Variants in RASSF3 observed in about 807,000 individuals in gnomAD.
The protein encoded by RASSF3 is ras association domain-containing protein 3.
In RASSF3, 19 loss-of-function variants were observed where a neutral mutation model predicts 19.9. That is an observed-to-expected ratio of 0.96 (90% CI 0.67 to 1.40). The LOEUF is 1.40. Ranked by LOEUF, RASSF3 falls within the 40% of genes most tolerant of loss-of-function variation. The pLI, the probability that RASSF3 is intolerant of heterozygous loss-of-function variation, is 0.00. For missense variants in RASSF3, 306 were observed against 289.8 expected (o/e 1.06, Z -0.41); for synonymous variants, 110 against 104.2 (o/e 1.06, Z -0.34).
intron 1 of RASSF3, among the ~76,000 whole-genome samples, chr12:64,681,172 A>C (rs1289907643): frequency 1.3e-5 from 2 of 152,204 alleles, no homozygotes; most frequent in Non-Finnish European, 2.9e-5. Flanking sequence ...CCTCATTCTT[A>C]GAATTCTCAC....
intron 1 of RASSF3, among the ~76,000 whole-genome samples, chr12:64,512,501 A>C (rs1471621728): frequency 6.6e-6 from 1 of 152,182 alleles, no homozygotes; most frequent in African/African-American, 2.4e-5. Context: ...CTTGAAACAA[A>C]TAAGAAACTA....
chr12:64,530,082 T>G (rs1286823995), upstream of RASSF3, among the ~76,000 whole-genome samples: 2 of 152,174 alleles, frequency 1.3e-5, no homozygotes, highest in African/African-American at 4.8e-5. Context: ...CCCAGGTCCC[T>G]TTGTAATCCT....
intron 1 of RASSF3, among the ~76,000 whole-genome samples, chr12:64,519,643 T>C (rs1434047090): frequency 1.3e-5 from 2 of 152,106 alleles, no homozygotes; most frequent in African/African-American, 4.8e-5. Context: ...TATATATATA[T>C]ACATACATTC....
intron 2 of RASSF3, among the ~76,000 whole-genome samples, chr12:64,591,718 A>G (rs917151656): frequency 1.1e-4 from 17 of 151,904 alleles, no homozygotes; most frequent in Admixed American, 2.6e-4. Flanking sequence ...TTTGTTTTCA[A>G]TTTAGGAGTT....
At chr12:64,599,609 T>C (rs1218185564) in intron 2 of RASSF3, among the ~76,000 whole-genome samples, 3 of 152,058 alleles carry the variant, frequency 2.0e-5, no homozygotes, top group East Asian at 1.9e-4. Flanking sequence ...GGCTGTGTAG[T>C]GTAGTGATCA....
chr12:64,625,808 C>T (rs1248642081), intron 1 of RASSF3, among the ~76,000 whole-genome samples: 1 of 152,164 alleles, frequency 6.6e-6, no homozygotes, highest in Non-Finnish European at 1.5e-5. Context: ...ATACTGGATG[C>T]TTCCACATTT....
At chr12:64,611,176 A>C (rs1252631664) in intron 1 of RASSF3, among the ~76,000 whole-genome samples, 1 of 152,146 alleles carries the variant, frequency 6.6e-6, no homozygotes, top group African/African-American at 2.4e-5. Flanking sequence ...GGCTTGGGTC[A>C]ACGTGTAATA....
intron 2 of RASSF3, among the ~76,000 whole-genome samples, chr12:64,574,610 G>T (rs970921575): frequency 4.6e-5 from 7 of 152,162 alleles, no homozygotes; most frequent in Non-Finnish European, 8.8e-5. Context: ...GCCTACTGGG[G>T]TTTGCTTTTT....
At chr12:64,622,390 T>C in intron 1 of RASSF3, 1 of 502,494 alleles carries the variant, frequency 2.0e-6, no homozygotes, top group Admixed American at 2.2e-5. Flanking sequence ...GTATACTAGG[T>C]ATTGAAAAAA....
chr12:64,693,537 G>C (rs1404170290), intron 4 of RASSF3, among the ~76,000 whole-genome samples: 1 of 151,880 alleles, frequency 6.6e-6, no homozygotes, highest in African/African-American at 2.4e-5. Context: ...TCCTACCTCA[G>C]CCTCCCAAGT....
intron 1 of RASSF3, among the ~76,000 whole-genome samples, chr12:64,666,225 A>T (rs1872536328): frequency 6.6e-6 from 1 of 152,236 alleles, no homozygotes; most frequent in Non-Finnish European, 1.5e-5. Flanking sequence ...GTACTAAGTA[A>T]ATAAGGTGGT....
intron 1 of RASSF3, among the ~76,000 whole-genome samples, chr12:64,526,131 T>C (rs755606495): frequency 6.6e-6 from 1 of 152,224 alleles, no homozygotes; most frequent in Non-Finnish European, 1.5e-5. Flanking sequence ...AGGGCCAGGA[T>C]TTCTGGAGAA....
At chr12:64,610,111 T>C (rs1870281857), upstream of RASSF3, among the ~76,000 whole-genome samples, 1 of 150,520 alleles carries the variant, frequency 6.6e-6, no homozygotes, top group East Asian at 2.0e-4. Flanking sequence ...GAGCAGGGAG[T>C]GGACGCAGAG....
chr12:64,628,698 T>C (rs544626269), intron 1 of RASSF3, among the ~76,000 whole-genome samples: 1 of 152,224 alleles, frequency 6.6e-6, no homozygotes, highest in South Asian at 2.1e-4. Context: ...GGTTCTGCCA[T>C]GTTGGCCATG....
At chr12:64,541,017 T>C (rs906521128) in intron 1 of RASSF3, among the ~76,000 whole-genome samples, 1 of 149,320 alleles carries the variant, frequency 6.7e-6, no homozygotes, top group Middle Eastern at 3.5e-3. Flanking sequence ...GTAAGGCCAG[T>C]GTGGTGGCTC....
At position 64,694,940 on chromosome 12, in the gene RASSF3, G is replaced by T. The variant is rs750979029; in HGVS notation, c.*28G>T. The T allele has an allele frequency of 6.2e-7, 1 of 1,608,370 alleles. No homozygotes were observed. The highest frequency in any genetic ancestry group is 1.1e-5 in the South Asian group (1 of 90,882). ...CGGGGCTCCCTGCCCGTGAGGCCCG[G>T]TGCAGGACCGATGTACAAAACAGCA... On this transcript the variant is annotated 3_prime_UTR_variant, in exon 5 of 5. Transcript: ENST00000542104.
At position 64,516,998 on chromosome 12, in the gene RASSF3, CAAAAAAAAAA is replaced by C. The variant is rs371430838; in HGVS notation, c.169+9683_169+9692del. ...TGGGTGAGAAAGTGAAAATCTGTCTCAAAAAAAAAAAAAAAAAAAAAAAGAAAGAGAAAGA... is the reference window on the plus strand; with the variant it reads ...TGGGTGAGAAAGTGAAAATCTGTCTCAAAAAAAAAAAAAGAAAGAGAAAGA... On this transcript the variant is annotated intron_variant, in intron 1 of 5. Transcript: ENST00000637125. Among the ~76,000 whole-genome samples the C allele has an allele frequency of 2.7e-3, 138 of 51,974 alleles. 1 individual carries two copies. In the Admixed American group the frequency reaches 0.029, roughly 11 times the overall value. The allele number at this position is 51,974 out of a possible 152,430, so 34.1% of individuals were successfully genotyped here.
intron 2 of RASSF3, among the ~76,000 whole-genome samples, chr12:64,685,570 G>C (rs1347045242): frequency 6.6e-6 from 1 of 152,112 alleles, no homozygotes; most frequent in East Asian, 1.9e-4. Context: ...AAATATGGAA[G>C]TGTCAGGGAA....
intron 2 of RASSF3, among the ~76,000 whole-genome samples, chr12:64,577,713 C>A (rs1173191778): frequency 6.6e-6 from 1 of 152,088 alleles, no homozygotes; most frequent in African/African-American, 2.4e-5. Context: ...GCCTGGGTAA[C>A]AGAGCAAGAC....
Sources: gnomAD v4.1 joint callset for allele counts (sites outside exome capture counted in the v4.1 genomes callset) on GRCh38, gnomAD v4.1.1 for gene constraint, MANE v1.5 for transcripts, NCBI Gene and HGNC (gene_info 2026-07-23, HGNC 2026-07-21) for gene names.